TRAT1: variants seen among roughly 807,000 people sequenced by gnomAD.
TRAT1 encodes T cell receptor associated transmembrane adaptor 1.
In TRAT1, 20 loss-of-function variants were observed where a neutral mutation model predicts 20.0. The ratio of observed to expected loss-of-function variants is 1.00; its 90% CI spans 0.70 to 1.45. The LOEUF (loss-of-function observed/expected upper bound fraction) is 1.45, where lower values mean the gene tolerates loss of function less well. Ranked by LOEUF, TRAT1 falls within the 40% of genes most tolerant of loss-of-function variation. TRAT1 has a pLI of 0.00. For synonymous variants in TRAT1, 77 were observed against 74.2 expected, an observed-to-expected ratio of 1.04 and a Z score of -0.20; for missense variants, 237 against 224.1, an observed-to-expected ratio of 1.06 and a Z score of -0.37.
intron 1 of TRAT1, among the ~76,000 whole-genome samples, chr3:108,826,128 G>A (rs1230581346): frequency 6.6e-6 from 1 of 152,110 alleles, no homozygotes; most frequent in Non-Finnish European, 1.5e-5. Context: ...ATTAAGTAAA[G>A]TATTGATTGA....
intron 3 of TRAT1, among the ~76,000 whole-genome samples, chr3:108,841,648 G>A (rs1430464816): frequency 6.6e-6 from 1 of 152,052 alleles, no homozygotes; most frequent in East Asian, 1.9e-4. Flanking sequence ...GGAAGGGAAA[G>A]GAATTGCTTC....
Position 108,822,813 on chromosome 3 carries a change from C to A in TRAT1, c.-115C>A. On this transcript the variant is annotated 5_prime_UTR_variant, in exon 1 of 6. Coordinates refer to ENST00000295756, the MANE Select transcript of TRAT1 (RefSeq NM_016388.4). ...CACAGATAAAGATAAGTTTTACTGT[C>A]ATGCTGCTTTTAACATAACAGAGCA... 2 of 801,490 alleles carry A rather than the reference C, an allele frequency of 2.5e-6. No individual in the cohort carries two copies. Among genetic ancestry groups the A allele is most frequent in the South Asian group, 1.7e-5 (1 of 57,194 alleles). 49.6% of individuals were successfully genotyped at this position (801,490 alleles called of 1,614,324 possible).
chr3:108,851,213 A>G (rs1388142562), intron 5 of TRAT1, among the ~76,000 whole-genome samples: 1 of 152,240 alleles, frequency 6.6e-6, no homozygotes, highest in Non-Finnish European at 1.5e-5. Flanking sequence ...TTGATAGACA[A>G]AGTGTTTCTT....
At chr3:108,834,686 C>T (rs1007786295) in intron 2 of TRAT1, among the ~76,000 whole-genome samples, 4 of 152,224 alleles carry the variant, frequency 2.6e-5, no homozygotes, top group African/African-American at 9.7e-5. Flanking sequence ...CTCTTTGTGG[C>T]TGAGAAATTT....
At chr3:108,848,314 TTC>T (rs1300788382) in intron 4 of TRAT1, among the ~76,000 whole-genome samples, 8 of 152,178 alleles carry the variant, frequency 5.3e-5, no homozygotes, top group Admixed American at 5.2e-4. Context: ...TACATACCCT[TTC>T]TCTGTGTTGC....
chr3:108,842,639 C>T (rs1012138313), intron 3 of TRAT1, among the ~76,000 whole-genome samples: 5 of 152,204 alleles, frequency 3.3e-5, no homozygotes, highest in Admixed American at 1.3e-4. Flanking sequence ...TTTCGGGGTT[C>T]CCCAAACCTT....
At chr3:108,842,128 A>G (rs1945901583) in intron 3 of TRAT1, among the ~76,000 whole-genome samples, 1 of 152,198 alleles carries the variant, frequency 6.6e-6, no homozygotes, top group Non-Finnish European at 1.5e-5. Flanking sequence ...GTTTACAATT[A>G]CATTAAGCTT....
chr3:108,849,867 C>T lies in TRAT1; in HGVS notation c.303+613C>T, dbSNP rs183351143. On this transcript the variant is annotated intron_variant, in intron 5 of 5. Coordinates refer to ENST00000295756, the MANE Select transcript of TRAT1 (RefSeq NM_016388.4). ...TTTCCTACCACAATCTGTTCAACCT[C>T]TTCAGTTTTAGTTCTAACTTTATTA... 9.2e-5 allele frequency among the ~76,000 whole-genome samples: 14 copies of T among 152,274 alleles called. No homozygotes were observed. In the East Asian group the frequency reaches 2.3e-3, roughly 25 times the overall value.
intron 1 of TRAT1, among the ~76,000 whole-genome samples, chr3:108,825,179 A>C (rs1272724066): frequency 1.3e-5 from 2 of 152,182 alleles, no homozygotes; most frequent in Non-Finnish European, 2.9e-5. Flanking sequence ...GAACACACAC[A>C]AAAGAATAAT....
Position 108,854,023 on chromosome 3 carries a change from A to G in TRAT1, c.*146A>G. 1.4e-6 allele frequency: 1 copy of G among 703,722 alleles called. No homozygotes were observed. The highest frequency in any genetic ancestry group is 2.1e-5 in the South Asian group (1 of 47,580). The allele number at this position is 703,722 out of a possible 1,614,324, so 43.6% of individuals were successfully genotyped here. A position where few individuals can be genotyped will look rare whatever the true frequency, so the allele number is the denominator to read the frequency against. ...GGATGGTGGCTTACCTCTTATTCAC[A>G]GCTTACACTTATGCATGCCAAATGT... On this transcript the variant is annotated 3_prime_UTR_variant, in exon 6 of 6. Transcript: ENST00000295756.
chr3:108,845,659 G>A (rs989286108), intron 3 of TRAT1, among the ~76,000 whole-genome samples: 2 of 150,992 alleles, frequency 1.3e-5, no homozygotes, highest in African/African-American at 4.9e-5. Context: ...TCTTTTTTCA[G>A]TGGCATAGAG....
intron 2 of TRAT1, among the ~76,000 whole-genome samples, chr3:108,834,371 C>T (rs373205098): frequency 2.1e-4 from 32 of 152,360 alleles, no homozygotes; most frequent in African/African-American, 7.2e-4. Flanking sequence ...TCTGCCCCAA[C>T]TTCTCCTAAC....
intron 1 of TRAT1, among the ~76,000 whole-genome samples, chr3:108,827,116 T>C (rs1447704): frequency 0.89 from 135,926 of 151,920 alleles, 61,391 homozygotes; most frequent in African/African-American, 0.93. Context: ...TTTCTCGAGT[T>C]CTTCGGCTTT....
intron 1 of TRAT1, among the ~76,000 whole-genome samples, chr3:108,826,108 C>A (rs1390520378): frequency 1.3e-5 from 2 of 152,066 alleles, no homozygotes; most frequent in Admixed American, 6.6e-5. Flanking sequence ...TTTATACTTT[C>A]TTCAATTAAA....
At chr3:108,838,887 G>A (rs752873360) in intron 2 of TRAT1, 47 bp from the exon 3 acceptor site, 83 of 1,403,118 alleles carry the variant, frequency 5.9e-5, no homozygotes, top group Middle Eastern at 3.5e-4. Context: ...ATTTAACAAA[G>A]GTATGTCAAC....
intron 3 of TRAT1, among the ~76,000 whole-genome samples, chr3:108,842,707 A>C (rs957814399): frequency 8.5e-5 from 13 of 152,282 alleles, no homozygotes; most frequent in Middle Eastern, 3.4e-3. Flanking sequence ...ATTCTCCGTC[A>C]TTTTAGAAAT....
At chr3:108,850,976 A>C (rs2107516558) in intron 5 of TRAT1, among the ~76,000 whole-genome samples, 1 of 152,330 alleles carries the variant, frequency 6.6e-6, no homozygotes, top group East Asian at 1.9e-4. Context: ...CTCTTTTGTA[A>C]ATTGTGTATT....
At chr3:108,841,135 C>A (rs1351095554) in intron 3 of TRAT1, among the ~76,000 whole-genome samples, 3 of 152,168 alleles carry the variant, frequency 2.0e-5, no homozygotes, top group African/African-American at 7.2e-5. Context: ...AAAAGAAGGA[C>A]CAGTTGGGTG....
chr3:108,842,824 C>G (rs1424919416), intron 3 of TRAT1, among the ~76,000 whole-genome samples: 2 of 152,224 alleles, frequency 1.3e-5, no homozygotes, highest in Non-Finnish European at 2.9e-5. Flanking sequence ...TTGTGCTTAA[C>G]AGACTTTACA....
Sources: allele counts gnomAD v4.1 joint callset (sites outside exome capture counted in the v4.1 genomes callset), GRCh38; gene constraint gnomAD v4.1.1; transcripts MANE v1.5; gene names NCBI Gene and HGNC (gene_info 2026-07-23, HGNC 2026-07-21).